Variants in BFAR observed in about 807,000 individuals in gnomAD.
The protein encoded by BFAR is RING finger protein 47.
Under a neutral mutation model 54.4 loss-of-function variants are expected in BFAR, and 52 were observed. The ratio of observed to expected loss-of-function variants is 0.96; its 90% confidence interval spans 0.77 to 1.21. BFAR has a LOEUF of 1.21. BFAR is among the 50% of genes most tolerant of loss of function. The pLI, the probability that BFAR is intolerant of heterozygous loss-of-function variation, is 0.00. For synonymous variants in BFAR, 215 were observed against 204.3 expected (o/e 1.05, Z -0.45); for missense variants, 571 against 534.0 (o/e 1.07, Z -0.68).
intron 4 of BFAR, chr16:14,650,418 T>C (rs774982389): frequency 6.5e-6 from 1 of 152,900 alleles, no homozygotes; most frequent in Non-Finnish European, 1.5e-5. Context: ...ACAAATAGTG[T>C]GATTATCACC....
At chr16:14,659,244 G>GTTTTTTTTTTTTTTTTTTTT (rs1404121780) in intron 5 of BFAR, among the ~76,000 whole-genome samples, 1 of 141,280 alleles carries the variant, frequency 7.1e-6, no homozygotes, top group Non-Finnish European at 1.5e-5. Flanking sequence ...GTTTTTTTTT[G>GTTTTTTTTTTTTTTTTTTTT]TTTTTTGTTT....
chr16:14,643,598 A>G (rs1412713820), intron 1 of BFAR, among the ~76,000 whole-genome samples: 2 of 152,054 alleles, frequency 1.3e-5, no homozygotes, highest in African/African-American at 2.4e-5. Context: ...GCGAAACTGC[A>G]TCTCTACTAA....
chr16:14,641,919 C>T (rs1959640186), intron 1 of BFAR, among the ~76,000 whole-genome samples: 1 of 152,192 alleles, frequency 6.6e-6, no homozygotes, highest in South Asian at 2.1e-4. Flanking sequence ...TTACCATGTG[C>T]CAGGCTCTGT....
At chr16:14,659,225 G>GTTTTTTTTTTTTTT (rs1295639386) in intron 5 of BFAR, among the ~76,000 whole-genome samples, 3 of 141,304 alleles carry the variant, frequency 2.1e-5, no homozygotes, top group Non-Finnish European at 3.1e-5. Flanking sequence ...ATGCAATTTG[G>GTTTTTTTTTTTTTT]TTTTTTTTGT....
Position 14,664,848 on chromosome 16 carries a change from G to A in BFAR, c.958-21G>A, listed in dbSNP as rs188691383. 3.6e-5 allele frequency: 58 copies of A among 1,602,890 alleles called. No homozygotes were observed. In the Middle Eastern group the frequency reaches 6.6e-4, roughly 18 times the overall value. On this transcript the variant is annotated intron_variant, in intron 6 of 7. Coordinates refer to ENST00000261658, the MANE Select transcript of BFAR (RefSeq NM_016561.3). Reference sequence around the variant, plus strand: ...AAAGTCAGTCCTCATGACTTTTTGCGTCTGTGTGTTATTTTTTAAGGATCT... The same window carrying A: ...AAAGTCAGTCCTCATGACTTTTTGCATCTGTGTGTTATTTTTTAAGGATCT...
At chr16:14,649,424 T>C (rs1959901598) in intron 3 of BFAR, among the ~76,000 whole-genome samples, 1 of 152,170 alleles carries the variant, frequency 6.6e-6, no homozygotes, top group Admixed American at 6.5e-5. Context: ...TAACTTCCAA[T>C]GTGGAGACTA....
rs1959971100 is a variant in BFAR at position 14,651,664 on chromosome 16, G to A, written c.638+1691G>A. ...CCAGCTAATTTTTGTATTTTTAATA[G>A]AGACAGGGTTTTGCCATGTCGCCCA... is the stretch of plus-strand genomic sequence containing the variant. On this transcript the variant is annotated intron_variant, in intron 4 of 7. Coordinates refer to ENST00000261658, the MANE Select transcript of BFAR (RefSeq NM_016561.3). Among the ~76,000 whole-genome samples, 2 of 151,948 alleles carry A rather than the reference G, an allele frequency of 1.3e-5. 1 individual carries two copies. The highest frequency in any genetic ancestry group is 4.1e-4 in the South Asian group (2 of 4,828).
At position 14,652,613 on chromosome 16, in the gene BFAR, CTA is replaced by C. The variant is rs557241822; in HGVS notation, c.639-2451_639-2450del. On this transcript the variant is annotated intron_variant, in intron 4 of 7. Transcript: ENST00000261658. ...ATTTTTATTTTTAAAAAAATAATAA[CTA>C]TGTGATATTGAAAGTGACATACTCT... Among the ~76,000 whole-genome samples, 1,468 of 152,158 alleles carry C rather than the reference CTA, an allele frequency of 9.6e-3. 9 individuals carry two copies. The highest frequency in any genetic ancestry group is 0.022 in the Admixed American group (333 of 15,258).
chr16:14,638,319 C>A (rs1419936617), intron 1 of BFAR, among the ~76,000 whole-genome samples: 2 of 152,138 alleles, frequency 1.3e-5, no homozygotes, highest in African/African-American at 4.8e-5. Context: ...AAAGTTCAAG[C>A]CCACAGTGAT....
intron 6 of BFAR, among the ~76,000 whole-genome samples, chr16:14,662,869 C>G (rs1473745449): frequency 6.6e-6 from 1 of 152,124 alleles, no homozygotes; most frequent in Middle Eastern, 3.2e-3. Context: ...AAGAGCCGAG[C>G]TCCCCGAGTG....
rs1412246229 is a variant in BFAR at position 14,644,386 on chromosome 16, C to T, written c.40C>T (p.Leu14Phe). The change falls in exon 2 of 8, where the codon CTT (leucine) becomes TTT (phenylalanine). Residue 14 changes from leucine (L) to phenylalanine (F), a missense_variant. Coordinates refer to ENST00000261658, the MANE Select transcript of BFAR (RefSeq NM_016561.3). ...GAAAAGCTATGTGAACACAATGGAC[C>T]TTGAGAGAGATGAACCTCTCAAAAG... ...PQKSYVNTMD[L>F]ERDEPLKSTG... 1 of 1,613,826 alleles carries T rather than the reference C, an allele frequency of 6.2e-7. No individual in the cohort carries two copies. Among genetic ancestry groups the T allele is most frequent in the Non-Finnish European group, 8.5e-7 (1 of 1,179,944 alleles).
intron 1 of BFAR, among the ~76,000 whole-genome samples, chr16:14,635,506 C>CT (rs2151833733): frequency 6.6e-6 from 1 of 152,106 alleles, no homozygotes; most frequent in East Asian, 1.9e-4. Flanking sequence ...TAGGTCCTTG[C>CT]ATATATGCCA....
Position 14,641,508 on chromosome 16 carries a change from G to A in BFAR, c.-73-2766G>A, listed in dbSNP as rs375389262. 1.5e-4 allele frequency among the ~76,000 whole-genome samples: 22 copies of A among 149,970 alleles called. No individual in the cohort carries two copies. The East Asian group carries it at 2.0e-3, about 13-fold the overall frequency. On this transcript the variant is annotated intron_variant, in intron 1 of 7. Transcript: ENST00000261658. ...GGAGCTTGCAGTGAGTGGAGATCGC[G>A]CCCCTGCACTCCAGCCTGGGCGACA...
At position 14,655,088 on chromosome 16, in the gene BFAR, G is replaced by A; in HGVS notation, c.661G>A (p.Glu221Lys). ...CAGGTTGCTTTTAACTTTGACAGAG[G>A]AAGAATTTTCCAAGACGCCCTATAC... ...NGRLLLTLTE[E>K]EFSKTPYTIE... The change falls in exon 5 of 8, where the codon GAA (glutamate) becomes AAA (lysine). Residue 221 changes from glutamate to lysine, a missense_variant. Glu to Lys is a moderately conservative substitution (Grantham distance 56). Coordinates refer to ENST00000261658, the MANE Select transcript of BFAR (RefSeq NM_016561.3). The A allele has an allele frequency of 6.2e-7, 1 of 1,609,490 alleles. No individual in the cohort carries two copies. Among genetic ancestry groups the A allele is most frequent in the Non-Finnish European group, 8.5e-7 (1 of 1,178,536 alleles).
intron 1 of BFAR, among the ~76,000 whole-genome samples, chr16:14,636,073 G>A (rs1256929733): frequency 1.3e-5 from 2 of 152,216 alleles, no homozygotes; most frequent in African/African-American, 4.8e-5. Flanking sequence ...AATAATTTCT[G>A]TAGTATTCTG....
At chr16:14,660,124 C>T (rs1319869290) in intron 5 of BFAR, among the ~76,000 whole-genome samples, 3 of 152,170 alleles carry the variant, frequency 2.0e-5, no homozygotes, top group Admixed American at 6.6e-5. Context: ...CCTTCCCTCC[C>T]AGCCCTCCCA....
At chr16:14,642,540 G>A (rs1687215503) in intron 1 of BFAR, among the ~76,000 whole-genome samples, 1 of 152,152 alleles carries the variant, frequency 6.6e-6, no homozygotes, top group African/African-American at 2.4e-5. Context: ...TTTGTCATTT[G>A]CTTATTAGTA....
At chr16:14,655,377 A>G (rs1960101309) in intron 5 of BFAR, among the ~76,000 whole-genome samples, 167 bp downstream of exon 5, 1 of 151,388 alleles carries the variant, frequency 6.6e-6, no homozygotes, top group Non-Finnish European at 1.5e-5. Context: ...GCTGGAGTGC[A>G]ATGGCGCAAT....
chr16:14,665,021 A>G lies in BFAR; in HGVS notation c.1110A>G (p.Ser370=), dbSNP rs1960403241. ...RFLIINAMLL[S]VLELFSFWRI... ...TCATCATCAATGCTATGTTACTCTC[A>G]GTTCTGGAATTATTCTCCTTTTGGA... Residue 370 remains serine, a synonymous_variant, in exon 7 of 8, where the codon TCA becomes TCG. Coordinates refer to ENST00000261658, the MANE Select transcript of BFAR (RefSeq NM_016561.3). 1 of 1,613,952 alleles carries G rather than the reference A, an allele frequency of 6.2e-7. No individual in the cohort carries two copies. The highest frequency in any genetic ancestry group is 8.5e-7 in the Non-Finnish European group (1 of 1,179,954).
Sources: gnomAD v4.1 joint callset for allele counts (sites outside exome capture counted in the v4.1 genomes callset) on GRCh38, gnomAD v4.1.1 for gene constraint, MANE v1.5 for transcripts, NCBI Gene and HGNC (gene_info 2026-07-23, HGNC 2026-07-21) for gene names.